Variants in RASAL2 observed in about 807,000 individuals in gnomAD.
RASAL2 encodes RAS protein activator like 2.
In RASAL2, 58 loss-of-function variants were observed where a neutral mutation model predicts 128.9. The ratio of observed to expected loss-of-function variants is 0.45; its 90% confidence interval spans 0.36 to 0.56. The LOEUF is 0.56. Among genes scored for constraint, RASAL2 ranks in the 20% least tolerant of loss-of-function variants. The pLI is 0.00. For missense variants in RASAL2, 1,360 were observed against 1,601.6 expected (o/e 0.85, Z 2.57); for synonymous variants, 561 against 580.8 (o/e 0.97, Z 0.49).
At chr1:178,178,059 C>A (rs1047945966) in intron 1 of RASAL2, among the ~76,000 whole-genome samples, 5 of 151,984 alleles carry the variant, frequency 3.3e-5, no homozygotes, top group African/African-American at 9.7e-5. Flanking sequence ...AGTTTAGAAT[C>A]ATCAGTTATC....
intron 5 of RASAL2, among the ~76,000 whole-genome samples, chr1:178,436,454 A>G (rs983859516): frequency 6.6e-6 from 1 of 152,146 alleles, no homozygotes; most frequent in Admixed American, 6.6e-5. Context: ...CTGAGTATCA[A>G]AATGAAACTT....
chr1:178,363,634 A>G (rs1275620772), intron 3 of RASAL2, among the ~76,000 whole-genome samples: 2 of 152,232 alleles, frequency 1.3e-5, no homozygotes, highest in South Asian at 2.1e-4. Context: ...AACCATGTCA[A>G]ATACCCTGTT....
rs769972615 is a variant in RASAL2 at position 178,451,711 on chromosome 1, T to C, written c.1768T>C (p.Tyr590His). ...ELAFCKIINS[Y>H]CVFPRELKEV... is the part of the protein sequence containing the mutation. ...GGCTTTCTGCAAGATCATCAACTCT[T>C]ACTGGTGAGCTTATCTTATCCTCTG... Residue 590 changes from tyrosine (Y) to histidine (H), a missense_variant, in exon 10 of 18, where the codon TAC becomes CAC. Tyr to His is a moderately conservative substitution (Grantham distance 83). Around this residue, in one of 3 missense-constraint regions of RASAL2, gnomAD observed 741 missense variants for 868.6 expected, o/e 0.85. Transcript: ENST00000367649. 2.5e-6 allele frequency: 4 copies of C among 1,613,246 alleles called. No homozygotes were observed. In the South Asian group the frequency reaches 4.4e-5, roughly 18 times the overall value.
intron 3 of RASAL2, among the ~76,000 whole-genome samples, chr1:178,329,232 G>C (rs1029504404): frequency 8.5e-5 from 13 of 152,190 alleles, no homozygotes; most frequent in Non-Finnish European, 1.3e-4. Flanking sequence ...AGGGAGTGCT[G>C]TGGGTGGAGA....
intron 3 of RASAL2, among the ~76,000 whole-genome samples, chr1:178,366,262 C>G (rs1362596048): frequency 6.6e-6 from 1 of 152,010 alleles, no homozygotes; most frequent in African/African-American, 2.4e-5. Context: ...AAAATGTAAA[C>G]TGTTGATAAA....
chr1:178,095,271 C>A (rs1558050173), intron 1 of RASAL2, among the ~76,000 whole-genome samples: 2 of 152,188 alleles, frequency 1.3e-5, no homozygotes, highest in Non-Finnish European at 2.9e-5. Flanking sequence ...TGTAAAGTGA[C>A]TGGGTTGCCA....
At chr1:178,224,415 C>T (rs1293117178) in intron 1 of RASAL2, among the ~76,000 whole-genome samples, 1 of 152,012 alleles carries the variant, frequency 6.6e-6, no homozygotes, top group Non-Finnish European at 1.5e-5. Context: ...GTGCCTTTCA[C>T]TTCTGATACT....
chr1:178,473,487 CT>C lies in RASAL2; in HGVS notation c.*249del, dbSNP rs1490572154. ...TCTGGGCCATGTACAGAAAATATCA[CT>C]GTAATATACCAAAAGGAAGTTAATA... On this transcript the variant is annotated 3_prime_UTR_variant, in exon 18 of 18. Transcript: ENST00000367649. 1.9e-6 allele frequency: 1 copy of C among 519,754 alleles called. No homozygotes were observed. Among genetic ancestry groups the C allele is most frequent in the African/African-American group, 1.9e-5 (1 of 51,924 alleles). The allele number at this position is 519,754 out of a possible 1,614,324, so 32.2% of individuals were successfully genotyped here.
rs183579092 is a variant in RASAL2, at chr1:178,105,228, A to C, written c.202+10534A>C. Among the ~76,000 whole-genome samples the C allele has an allele frequency of 3.3e-3, 503 of 152,332 alleles. 4 individuals are homozygous for C. Among genetic ancestry groups the C allele is most frequent in the African/African-American group, 0.012 (488 of 41,586 alleles). The stretch of plus-strand genomic sequence containing the variant: ...AGAACTAATATTAATGATTAAAGTA[A>C]TTTAAAATCTTTTCTTCAGAAAAAA... On this transcript the variant is annotated intron_variant, in intron 1 of 17. Transcript: ENST00000367649.
chr1:178,140,357 T>C (rs905882347), intron 1 of RASAL2, among the ~76,000 whole-genome samples: 2 of 152,218 alleles, frequency 1.3e-5, no homozygotes, highest in Non-Finnish European at 2.9e-5. Flanking sequence ...TACATTAGGT[T>C]TCTGTCTTTG....
At chr1:178,137,673 C>T (rs760425199) in intron 1 of RASAL2, among the ~76,000 whole-genome samples, 1 of 152,126 alleles carries the variant, frequency 6.6e-6, no homozygotes, top group Non-Finnish European at 1.5e-5. Context: ...TTTGGAATTT[C>T]ATTTCACAGA....
chr1:178,111,726 CTATTT>C (rs926687470), intron 1 of RASAL2, among the ~76,000 whole-genome samples: 7 of 151,920 alleles, frequency 4.6e-5, no homozygotes, highest in African/African-American at 1.5e-4. Flanking sequence ...AATCTTTTGT[CTATTT>C]TATTTTATTT....
chr1:178,208,521 T>C (rs1324816453), intron 1 of RASAL2, among the ~76,000 whole-genome samples: 1 of 152,188 alleles, frequency 6.6e-6, no homozygotes, highest in African/African-American at 2.4e-5. Context: ...AGTTCTCTGC[T>C]CTCGAACCCT....
chr1:178,323,031 A>C (rs1258369920), intron 3 of RASAL2, among the ~76,000 whole-genome samples: 1 of 152,168 alleles, frequency 6.6e-6, no homozygotes, highest in African/African-American at 2.4e-5. Context: ...TGTATGTAGA[A>C]ATCCCATTTA....
chr1:178,209,056 A>G (rs949594671), intron 1 of RASAL2, among the ~76,000 whole-genome samples: 2 of 151,892 alleles, frequency 1.3e-5, no homozygotes, highest in Non-Finnish European at 2.9e-5. Context: ...TTTTCCTTAA[A>G]TTTTTAATTG....
chr1:178,282,466 T>C (rs2102211691), intron 1 of RASAL2, among the ~76,000 whole-genome samples: 1 of 152,300 alleles, frequency 6.6e-6, no homozygotes, highest in Middle Eastern at 3.4e-3. Context: ...GTAAGACACC[T>C]AGGAAATTAT....
At chr1:178,400,008 G>T (rs1336691393) in intron 4 of RASAL2, among the ~76,000 whole-genome samples, 1 of 152,188 alleles carries the variant, frequency 6.6e-6, no homozygotes, top group Non-Finnish European at 1.5e-5. Flanking sequence ...GGCCTGCTCA[G>T]TGGTTTCTTC....
chr1:178,396,171 C>A (rs981246395), intron 4 of RASAL2, among the ~76,000 whole-genome samples: 12 of 152,142 alleles, frequency 7.9e-5, no homozygotes, highest in African/African-American at 2.9e-4. Context: ...ATGAGGGAAG[C>A]CCTCCTCAAT....
intron 3 of RASAL2, among the ~76,000 whole-genome samples, chr1:178,388,458 G>T (rs145561314): frequency 6.6e-6 from 1 of 152,174 alleles, no homozygotes; most frequent in African/African-American, 2.4e-5. Flanking sequence ...ACTAGTGATG[G>T]TTAGAGAGAA....
Sources: allele counts gnomAD v4.1 joint callset (sites outside exome capture counted in the v4.1 genomes callset), GRCh38; gene constraint gnomAD v4.1.1; regional missense constraint gnomAD v4.1.1; transcripts MANE v1.5; gene names NCBI Gene and HGNC (gene_info 2026-07-23, HGNC 2026-07-21).